The following PCDH7 variants were observed in gnomAD, a reference collection of about 807,000 sequenced individuals.
PCDH7 encodes the protein protocadherin-7.
In PCDH7, 17 loss-of-function variants were observed where a neutral mutation model predicts 58.9. That is an observed-to-expected ratio of 0.29 (90% CI 0.20 to 0.43). PCDH7 has a LOEUF of 0.43. Among genes scored for constraint, PCDH7 ranks in the 20% least tolerant of loss-of-function variants. The pLI, the probability that PCDH7 is intolerant of heterozygous loss-of-function variation, is 1.00. For synonymous variants in PCDH7, 664 were observed against 616.4 expected, an observed-to-expected ratio of 1.08 and a Z score of -1.14; for missense variants, 1,274 against 1,441.0, an observed-to-expected ratio of 0.88 and a Z score of 1.88.
At chr4:30,736,002 A>G (rs1716195859), downstream of PCDH7, among the ~76,000 whole-genome samples, 3 of 152,202 alleles carry the variant, frequency 2.0e-5, 1 homozygote, top group South Asian at 6.2e-4. Flanking sequence ...TGGGAGATAG[A>G]GGAGTACAAA....
At chr4:30,822,123 C>G (rs1267611888) in intron 1 of PCDH7, among the ~76,000 whole-genome samples, 2 of 141,810 alleles carry the variant, frequency 1.4e-5, no homozygotes, top group Admixed American at 6.7e-5. Context: ...AGCATTTCCT[C>G]TCTCTTCCAG....
chr4:30,820,586 G>T (rs1189109981), intron 1 of PCDH7, among the ~76,000 whole-genome samples: 2 of 151,804 alleles, frequency 1.3e-5, no homozygotes, highest in Non-Finnish European at 2.9e-5. Flanking sequence ...GTGACAAAGA[G>T]AAAACTGAAG....
intron 1 of PCDH7, among the ~76,000 whole-genome samples, chr4:30,821,955 G>T (rs1482529570): frequency 6.6e-6 from 1 of 152,122 alleles, no homozygotes; most frequent in East Asian, 1.9e-4. Flanking sequence ...GTTCCTCGAT[G>T]CTCAGTTTTT....
Position 30,740,779 on chromosome 4 carries a change from TTAAA to T in PCDH7, c.70+16186_70+16189del, listed in dbSNP as rs554819980. 1.0e-3 allele frequency among the ~76,000 whole-genome samples: 153 copies of T among 152,302 alleles called. 1 individual carries two copies. Among genetic ancestry groups the T allele is most frequent in the Admixed American group, 7.6e-3 (117 of 15,296 alleles). ...TTTTACCTAAATTAGTTGTTCGTTATTAAATAGTCAATTAAAATATGACCTATGT... is the reference window on the plus strand; with the variant it reads ...TTTTACCTAAATTAGTTGTTCGTTATTAGTCAATTAAAATATGACCTATGT... On this transcript the variant is annotated intron_variant, in intron 1 of 3. Coordinates refer to the PCDH7 transcript ENST00000509759.
chr4:30,887,869 T>C (rs991412947), intron 1 of PCDH7, among the ~76,000 whole-genome samples: 1 of 128,506 alleles, frequency 7.8e-6, no homozygotes, highest in African/African-American at 2.7e-5. Flanking sequence ...TTTTTCTTTT[T>C]GGTTTTTTTT....
chr4:30,892,781 A>C (rs200329280), intron 1 of PCDH7, among the ~76,000 whole-genome samples: 1 of 152,068 alleles, frequency 6.6e-6, no homozygotes, highest in South Asian at 2.1e-4. Flanking sequence ...GAAATAACAA[A>C]GAAGGAATCT....
intron 3 of PCDH7, among the ~76,000 whole-genome samples, chr4:31,073,656 G>A (rs1758742416): frequency 6.6e-6 from 1 of 152,100 alleles, no homozygotes; most frequent in Non-Finnish European, 1.5e-5. Context: ...TCTGGCCTCT[G>A]CCCAACCACG....
At chr4:30,766,050 A>G (rs114221244) in intron 1 of PCDH7, among the ~76,000 whole-genome samples, 155 of 152,092 alleles carry the variant, frequency 1.0e-3, no homozygotes, top group Middle Eastern at 3.4e-3. Context: ...GGCTTAGATA[A>G]GACGTCACAG....
In PCDH7 at chr4:30,721,390, T is replaced by TAGAAGGAGCAGTAGC; in HGVS notation, c.-30_-16dup. The TAGAAGGAGCAGTAGC allele has an allele frequency of 6.9e-7, 1 of 1,454,640 alleles. No homozygotes were observed. Among genetic ancestry groups the TAGAAGGAGCAGTAGC allele is most frequent in the Non-Finnish European group, 9.0e-7 (1 of 1,105,366 alleles). 90.1% of individuals were successfully genotyped at this position (1,454,640 alleles called of 1,614,324 possible). ...AGGGGGGCGCCGAGGGGGCTGTGGT[T>TAGAAGGAGCAGTAGC]AGAAGGAGCAGTAGCAGCAGCAGCA... On this transcript the variant is annotated 5_prime_UTR_variant, in exon 1 of 2. Transcript: ENST00000361762. The surrounding 1 kb of genome is among the most constrained non-coding windows in gnomAD (Gnocchi z 6.7).
At chr4:30,794,547 G>C (rs781048988) in intron 1 of PCDH7, among the ~76,000 whole-genome samples, 9 of 152,098 alleles carry the variant, frequency 5.9e-5, no homozygotes, top group Non-Finnish European at 1.2e-4. Context: ...ATTGCACACA[G>C]AACTGTGTAT....
chr4:31,112,877 A>G (rs1716497185), intron 3 of PCDH7, among the ~76,000 whole-genome samples: 1 of 152,158 alleles, frequency 6.6e-6, no homozygotes, highest in African/African-American at 2.4e-5. Context: ...TATTTAGTAG[A>G]GAGGAGGTAA....
intron 1 of PCDH7, among the ~76,000 whole-genome samples, chr4:30,747,201 G>C (rs1221976472): frequency 6.6e-6 from 1 of 152,150 alleles, no homozygotes; most frequent in Non-Finnish European, 1.5e-5. Flanking sequence ...TAAGAAAATA[G>C]AAGCATGTTT....
chr4:31,006,192 A>C (rs560898408), intron 3 of PCDH7, among the ~76,000 whole-genome samples: 1 of 152,340 alleles, frequency 6.6e-6, no homozygotes, highest in Non-Finnish European at 1.5e-5. Flanking sequence ...TTTTGGGATT[A>C]AAATCAACAT....
At chr4:30,729,969 G>C (rs1452406774) in intron 1 of PCDH7, among the ~76,000 whole-genome samples, 1 of 151,776 alleles carries the variant, frequency 6.6e-6, no homozygotes, top group Non-Finnish European at 1.5e-5. Flanking sequence ...AATAAAATCT[G>C]AACTATTTTA....
chr4:31,044,754 G>T (rs550627424), intron 3 of PCDH7, among the ~76,000 whole-genome samples: 29 of 151,758 alleles, frequency 1.9e-4, no homozygotes, highest in Non-Finnish European at 3.2e-4. Context: ...TTAATTAATT[G>T]GTTATTTTAA....
intron 3 of PCDH7, among the ~76,000 whole-genome samples, chr4:30,964,637 C>CA (rs1748830306): frequency 1.3e-5 from 2 of 148,866 alleles, no homozygotes; most frequent in South Asian, 4.3e-4. Context: ...TTTAACCTCC[C>CA]TGAGGGCAGA....
chr4:31,014,115 C>T (rs1468542741), intron 3 of PCDH7, among the ~76,000 whole-genome samples: 4 of 151,514 alleles, frequency 2.6e-5, no homozygotes, highest in Non-Finnish European at 5.9e-5. Context: ...ATTTAAAATC[C>T]TGATTTACAC....
At chr4:31,070,114 T>G (rs1359721004) in intron 3 of PCDH7, among the ~76,000 whole-genome samples, 2 of 152,096 alleles carry the variant, frequency 1.3e-5, no homozygotes, top group Non-Finnish European at 2.9e-5. Context: ...TGAATTTTCC[T>G]TTCCATTGAA....
At chr4:31,084,268 A>G (rs1712017855) in intron 3 of PCDH7, among the ~76,000 whole-genome samples, 1 of 152,234 alleles carries the variant, frequency 6.6e-6, no homozygotes, top group Admixed American at 6.5e-5. Flanking sequence ...ATATACGGAC[A>G]GATTGCAGAG....
Sources: gnomAD v4.1 joint callset for allele counts (sites outside exome capture counted in the v4.1 genomes callset) on GRCh38, gnomAD v4.1.1 for gene constraint, Gnocchi (gnomAD v3.1) non-coding constraint, MANE v1.5 for transcripts, NCBI Gene and HGNC (gene_info 2026-07-23, HGNC 2026-07-21) for gene names.